The following GALNT13 variants were observed in gnomAD, a reference collection of about 807,000 sequenced individuals.
The protein encoded by GALNT13 is polypeptide N-acetylgalactosaminyltransferase 13, also known as UDP-GalNAc:polypeptide N-acetylgalactosaminyltransferase 13.
A neutral mutation model predicts 64.2 loss-of-function variants in GALNT13; 28 were observed. The observed-to-expected ratio is 0.44, with a 90% CI of 0.32 to 0.60. The LOEUF is 0.60. Ranked by LOEUF, GALNT13 falls within the 20% of genes least tolerant of loss-of-function variation. The pLI is 0.05. For missense variants in GALNT13, 577 were observed against 669.8 expected (o/e 0.86, Z 1.53); for synonymous variants, 214 against 224.6 (o/e 0.95, Z 0.42).
At chr2:153,708,341 T>C in the GALNT13 span, among the ~76,000 whole-genome samples, 1 of 152,066 alleles carries the variant, frequency 6.6e-6, no homozygotes, top group African/African-American at 2.4e-5. Flanking sequence ...CTGTGGAGTG[T>C]GTATGTGAGA....
the GALNT13 span, among the ~76,000 whole-genome samples, chr2:153,232,350 G>T: frequency 6.6e-6 from 1 of 152,160 alleles, no homozygotes; most frequent in Non-Finnish European, 1.5e-5. Flanking sequence ...CTAAGAGAGA[G>T]GTTAATTGTC....
chr2:154,320,731 A>G (rs1694576063), intron 9 of GALNT13, among the ~76,000 whole-genome samples: 1 of 152,132 alleles, frequency 6.6e-6, no homozygotes, highest in Non-Finnish European at 1.5e-5. Context: ...TGCCTTACGC[A>G]TGGACCAGAA....
chr2:153,967,820 G>C (rs951623287), intron 3 of GALNT13, among the ~76,000 whole-genome samples: 1 of 152,126 alleles, frequency 6.6e-6, no homozygotes. Context: ...TTCCTGCTGA[G>C]ACTTGGTCCA....
the GALNT13 span, among the ~76,000 whole-genome samples, chr2:153,394,089 T>C: frequency 6.6e-6 from 1 of 152,062 alleles, no homozygotes; most frequent in South Asian, 2.1e-4. Context: ...GTGTGTTGGT[T>C]CCAAGTGGAA....
chr2:153,180,467 G>A, the GALNT13 span, among the ~76,000 whole-genome samples: 1 of 152,100 alleles, frequency 6.6e-6, no homozygotes, highest in Admixed American at 6.6e-5. Flanking sequence ...GTTCACCAAG[G>A]ATAGTGCCCT....
intron 4 of GALNT13, among the ~76,000 whole-genome samples, chr2:154,238,067 C>A (rs184607868): frequency 6.6e-6 from 1 of 151,952 alleles, no homozygotes; most frequent in African/African-American, 2.4e-5. Flanking sequence ...AATGTAGAAT[C>A]ATGAGTTCAT....
At chr2:153,973,565 A>C (rs59429260) in intron 3 of GALNT13, among the ~76,000 whole-genome samples, 14,198 of 151,906 alleles carry the variant, frequency 0.093, 1,706 homozygotes, top group East Asian at 0.63. Flanking sequence ...AAAAATTATA[A>C]AATTTTTAGC....
intron 9 of GALNT13, among the ~76,000 whole-genome samples, chr2:154,369,898 A>G (rs1166158691): frequency 1.3e-5 from 2 of 151,980 alleles, no homozygotes; most frequent in African/African-American, 2.4e-5. Context: ...AGAGGGGGAG[A>G]AAGATATTTA....
At chr2:154,402,288 C>G (rs1481850906) in intron 10 of GALNT13, among the ~76,000 whole-genome samples, 1 of 152,120 alleles carries the variant, frequency 6.6e-6, no homozygotes, top group Non-Finnish European at 1.5e-5. Flanking sequence ...ATGGAATTCT[C>G]ATTGCTACTT....
rs528728637 is a variant in GALNT13, at chr2:153,919,081, G to T, written c.-105+18074G>T. ...ATTCTATTTCAGAATATTATTTTTTGATGAAATCTATATTATTGTACTTCT... is the reference window on the plus strand; with the variant it reads ...ATTCTATTTCAGAATATTATTTTTTTATGAAATCTATATTATTGTACTTCT... On this transcript the variant is annotated intron_variant, in intron 2 of 12. Coordinates refer to ENST00000392825, the MANE Select transcript of GALNT13 (RefSeq NM_052917.4). 2.0e-5 allele frequency among the ~76,000 whole-genome samples: 3 copies of T among 152,058 alleles called. No homozygotes were observed. In the East Asian group the frequency reaches 5.8e-4, roughly 29 times the overall value.
intron 3 of GALNT13, among the ~76,000 whole-genome samples, chr2:154,034,639 C>T (rs1437656233): frequency 1.3e-5 from 2 of 152,160 alleles, no homozygotes; most frequent in Non-Finnish European, 2.9e-5. Context: ...CACTCTGTGT[C>T]CATTTATTAA....
chr2:153,771,413 G>A, the GALNT13 span, among the ~76,000 whole-genome samples: 1 of 151,980 alleles, frequency 6.6e-6, no homozygotes, highest in African/African-American at 2.4e-5. Context: ...TGCATGGGAA[G>A]GAAATGGTAC....
intron 9 of GALNT13, among the ~76,000 whole-genome samples, chr2:154,390,746 C>T (rs1351244891): frequency 1.3e-5 from 2 of 152,112 alleles, no homozygotes; most frequent in East Asian, 3.9e-4. Context: ...AATTAAAATA[C>T]TCTTTTGTTG....
the GALNT13 span, among the ~76,000 whole-genome samples, chr2:153,542,323 AAAACAAACAAAC>A: frequency 2.7e-3 from 336 of 124,468 alleles, 3 homozygotes; most frequent in African/African-American, 0.011. Flanking sequence ...TCCATCTCAA[AAAACAAACAAAC>A]AAACAAACAA....
the GALNT13 span, among the ~76,000 whole-genome samples, chr2:153,573,768 TTC>T: frequency 2.6e-5 from 4 of 152,096 alleles, no homozygotes; most frequent in Admixed American, 6.6e-5. Context: ...TAACTTTTAT[TTC>T]TGTTTCTATT....
At chr2:153,997,462 C>A (rs1574294058) in intron 3 of GALNT13, among the ~76,000 whole-genome samples, 1 of 151,636 alleles carries the variant, frequency 6.6e-6, no homozygotes. Context: ...TTCTTGATTT[C>A]TTTTTTACAT....
At chr2:153,291,832 G>A in the GALNT13 span, among the ~76,000 whole-genome samples, 11 of 151,732 alleles carry the variant, frequency 7.2e-5, no homozygotes, top group East Asian at 7.8e-4. Flanking sequence ...CTGGAGACAC[G>A]TAGGGGAAAC....
the GALNT13 span, among the ~76,000 whole-genome samples, chr2:153,537,005 G>A: frequency 5.3e-5 from 8 of 152,170 alleles, no homozygotes; most frequent in Non-Finnish European, 1.0e-4. Context: ...AAATCACTGC[G>A]AGAACTTCTT....
the GALNT13 span, among the ~76,000 whole-genome samples, chr2:153,371,637 G>T: frequency 1.3e-5 from 2 of 152,082 alleles, no homozygotes; most frequent in Admixed American, 6.6e-5. Context: ...ACTGATAAGA[G>T]AAATAATAAT....
Sources: gnomAD v4.1 joint callset for allele counts (sites outside exome capture counted in the v4.1 genomes callset) on GRCh38, gnomAD v4.1.1 for gene constraint, MANE v1.5 for transcripts, NCBI Gene and HGNC (gene_info 2026-07-23, HGNC 2026-07-21) for gene names.